Variants in DYNC1I2 observed in about 807,000 individuals in gnomAD.
DYNC1I2 encodes dynein cytoplasmic 1 intermediate chain 2, also known as cytoplasmic dynein 1 intermediate chain 2.
Under a neutral mutation model 88.6 loss-of-function variants are expected in DYNC1I2, and 53 were observed. That is an observed-to-expected ratio of 0.60 (90% confidence interval 0.48 to 0.75). The LOEUF (loss-of-function observed/expected upper bound fraction) is 0.75, where lower values mean the gene tolerates loss of function less well. DYNC1I2 is among the 30% of genes least tolerant of loss of function. The pLI is 0.00. For synonymous variants in DYNC1I2, 198 were observed against 254.6 expected (o/e 0.78, Z 2.12); for missense variants, 458 against 766.6 (o/e 0.60, Z 4.75).
At chr2:171,725,840 C>G in intron 8 of DYNC1I2, 79 bp from the exon 9 acceptor site, 1 of 1,296,000 alleles carries the variant, frequency 7.7e-7, no homozygotes, top group Non-Finnish European at 1.1e-6. Context: ...TAATAACATA[C>G]ATTGATCCAT....
intron 3 of DYNC1I2, among the ~76,000 whole-genome samples, chr2:171,694,122 C>A (rs1685583714): frequency 6.6e-6 from 1 of 151,770 alleles, no homozygotes; most frequent in Admixed American, 6.6e-5. Context: ...ACTGCAACCT[C>A]CACCTCCTGG....
intron 6 of DYNC1I2, 62 bp downstream of exon 6, chr2:171,712,888 C>A: frequency 7.0e-7 from 1 of 1,420,056 alleles, no homozygotes; most frequent in Non-Finnish European, 9.9e-7. Context: ...GTGAAACTGT[C>A]CTAATTTTAT....
intron 15 of DYNC1I2, among the ~76,000 whole-genome samples, chr2:171,743,369 ATCTCTGCAGT>A (rs1164394726): frequency 6.6e-6 from 1 of 152,132 alleles, no homozygotes; most frequent in Non-Finnish European, 1.5e-5. Flanking sequence ...GTATAAGTGG[ATCTCTGCAGT>A]TCAAACCTAT....
chr2:171,744,050 A>G lies in DYNC1I2; in HGVS notation c.1538A>G (p.Asn513Ser). ...TAAGAATCAACTTTTCTCTTTCAGA[A>G]TAACAAGCCTTTGTATTCATTTGAA... ...DWTVKLWTTK[N>S]NKPLYSFEDN... The change falls in exon 16 of 18, where the codon AAT (asparagine) becomes AGT (serine). Residue 513 changes from asparagine (N) to serine (S), a missense_variant and splice_region_variant. By Grantham distance (46) the Asn-to-Ser change is conservative (BLOSUM62 1). Transcript: ENST00000397119. The G allele has an allele frequency of 1.2e-6, 2 of 1,607,282 alleles. No individual in the cohort carries two copies. The highest frequency in any genetic ancestry group is 1.7e-6 in the Non-Finnish European group (2 of 1,178,260).
intron 3 of DYNC1I2, among the ~76,000 whole-genome samples, chr2:171,698,728 G>A (rs1685974493): frequency 1.3e-5 from 2 of 151,896 alleles, no homozygotes; most frequent in South Asian, 4.2e-4. Context: ...AATTAGCCGA[G>A]TGTGGTGGTG....
intron 3 of DYNC1I2, among the ~76,000 whole-genome samples, chr2:171,698,300 A>G (rs1169643516): frequency 1.3e-5 from 2 of 152,228 alleles, no homozygotes; most frequent in African/African-American, 4.8e-5. Context: ...AAATGTTAGA[A>G]AAGCAGGAGA....
At chr2:171,745,739 T>G in intron 16 of DYNC1I2, 63 bp from the exon 17 acceptor site, 1 of 1,529,074 alleles carries the variant, frequency 6.5e-7, no homozygotes. Flanking sequence ...AATTACTGTT[T>G]TACATGTTTA....
At chr2:171,736,933 C>T (rs984449183) in intron 15 of DYNC1I2, among the ~76,000 whole-genome samples, 1 of 152,186 alleles carries the variant, frequency 6.6e-6, no homozygotes, top group Admixed American at 6.6e-5. Flanking sequence ...TCCCCGCTTA[C>T]CCCAGCTTTG....
chr2:171,695,350 C>T (rs967738355), intron 3 of DYNC1I2, among the ~76,000 whole-genome samples: 27 of 152,234 alleles, frequency 1.8e-4, no homozygotes, highest in African/African-American at 5.5e-4. Context: ...CCGCCTTCTT[C>T]GGCCTCCCAA....
chr2:171,739,696 CTTTTTTTTTTTTTT>C (rs201750115), intron 15 of DYNC1I2, among the ~76,000 whole-genome samples: 19 of 65,090 alleles, frequency 2.9e-4, no homozygotes, highest in African/African-American at 9.7e-4. Context: ...TGACATATCT[CTTTTTTTTTTTTTT>C]TTTTTTTTTT....
Position 171,710,524 on chromosome 2 carries a change from C to G in DYNC1I2, c.336-2243C>G, listed in dbSNP as rs553469740. Among the ~76,000 whole-genome samples the G allele has an allele frequency of 8.5e-5, 13 of 152,220 alleles. No homozygotes were observed. In the South Asian group the frequency reaches 1.0e-3, roughly 12 times the overall value. On this transcript the variant is annotated intron_variant, in intron 5 of 17. Transcript: ENST00000397119. The stretch of plus-strand genomic sequence containing the variant: ...GCTGTCTAAACATGTTTGAATCACT[C>G]TAAGTGCCAAGAATTTCTTTTGGGA...
At chr2:171,725,881 G>A in intron 8 of DYNC1I2, 38 bp from the exon 9 acceptor site, 2 of 1,532,550 alleles carry the variant, frequency 1.3e-6, no homozygotes, top group Admixed American at 2.3e-5. Flanking sequence ...TGATTTGCCT[G>A]ACATAAATCA....
intron 2 of DYNC1I2, among the ~76,000 whole-genome samples, chr2:171,692,219 CAA>C (rs1685450185): frequency 6.6e-6 from 1 of 152,048 alleles, no homozygotes; most frequent in Non-Finnish European, 1.5e-5. Flanking sequence ...TAAAAGCTGA[CAA>C]AAATTTTCAT....
At chr2:171,697,278 TCC>T (rs1336638761) in intron 3 of DYNC1I2, among the ~76,000 whole-genome samples, 1 of 152,142 alleles carries the variant, frequency 6.6e-6, no homozygotes, top group Non-Finnish European at 1.5e-5. Context: ...TGCCTTGGCC[TCC>T]CAAGGTGCTG....
chr2:171,722,745 ACC>A (rs1306249732), intron 7 of DYNC1I2, among the ~76,000 whole-genome samples: 4 of 152,186 alleles, frequency 2.6e-5, no homozygotes, highest in Admixed American at 1.3e-4. Flanking sequence ...TTTAAGATCA[ACC>A]TTATAGCAAA....
At chr2:171,717,959 CTTTT>C (rs575201805) in intron 7 of DYNC1I2, among the ~76,000 whole-genome samples, 2 of 136,728 alleles carry the variant, frequency 1.5e-5, no homozygotes, top group Non-Finnish European at 1.6e-5. Flanking sequence ...TGAAGACTTT[CTTTT>C]TTTTTTTTTT....
rs1426920884 is a variant in DYNC1I2, at chr2:171,726,408, T to G, written c.870+115T>G. The G allele has an allele frequency of 5.6e-6, 4 of 711,280 alleles. No homozygotes were observed. In the East Asian group the frequency reaches 1.1e-4, roughly 20 times the overall value. The allele number at this position is 711,280 out of a possible 1,614,324, so 44.1% of individuals were successfully genotyped here. ...ATAAATCAATATGTGTTATTTAAAA[T>G]TAATGGATGATGGTTCTAATGTTAA... On this transcript the variant is annotated intron_variant, in intron 10 of 17. Coordinates refer to ENST00000397119, the MANE Select transcript of DYNC1I2 (RefSeq NM_001378.3).
rs148058381 is a variant in DYNC1I2, at chr2:171,715,491, T to C, written c.511+48T>C. On this transcript the variant is annotated intron_variant, in intron 7 of 17. Coordinates refer to ENST00000397119, the MANE Select transcript of DYNC1I2 (RefSeq NM_001378.3). ...ATTGTCATTGAGCACCTATGTTAAA[T>C]ACATAGATTCTTTTTTTCTTCCTTT... 4,097 of 1,152,616 alleles carry C rather than the reference T, an allele frequency of 3.6e-3. 18 individuals carry two copies. Among genetic ancestry groups the C allele is most frequent in the Middle Eastern group, 0.018 (89 of 4,978 alleles). The allele number at this position is 1,152,616 out of a possible 1,614,324, so 71.4% of individuals were successfully genotyped here.
In DYNC1I2 at chr2:171,725,613, TTC is replaced by T. The variant is rs1356885850; in HGVS notation, c.512-4_512-3del. The T allele has an allele frequency of 7.6e-6, 11 of 1,454,370 alleles. No homozygotes were observed. The highest frequency in any genetic ancestry group is 1.5e-5 in the South Asian group (1 of 67,522). The allele number at this position is 1,454,370 out of a possible 1,614,324, so 90.1% of individuals were successfully genotyped here. On this transcript the variant is annotated splice_polypyrimidine_tract_variant and splice_region_variant and intron_variant, in intron 7 of 17. Transcript: ENST00000397119. ...TTTTTTGTTTGTTTTTTTTTTTTTT[TTC>T]AGATGAAGAGGAAGATGATGATGTA...
Sources: gnomAD v4.1 joint callset for allele counts (sites outside exome capture counted in the v4.1 genomes callset) on GRCh38, gnomAD v4.1.1 for gene constraint, MANE v1.5 for transcripts, NCBI Gene and HGNC (gene_info 2026-07-23, HGNC 2026-07-21) for gene names.